The following REEP4 variants were observed in gnomAD, a reference collection of about 807,000 sequenced individuals.
REEP4 encodes the protein receptor accessory protein 4, also known as receptor expression-enhancing protein 4.
REEP4 carries 17 observed loss-of-function variants against 33.5 expected under a neutral mutation model. The ratio of observed to expected loss-of-function variants is 0.51; its 90% confidence interval spans 0.35 to 0.76. The LOEUF is 0.76. REEP4 is among the 30% of genes least tolerant of loss of function. The probability of loss-of-function intolerance (pLI) is 0.01; values close to 1 mark genes in which losing one functional copy is unlikely to be tolerated. For missense variants in REEP4, 340 were observed against 357.9 expected (o/e 0.95, Z 0.40); for synonymous variants, 157 against 142.9 (o/e 1.10, Z -0.70).
rs1375844183 is a variant in REEP4, at chr8:22,138,199, G to A, written c.*288C>T. 1 of 617,486 alleles carries A rather than the reference G, an allele frequency of 1.6e-6. No individual in the cohort carries two copies. The highest frequency in any genetic ancestry group is 2.9e-6 in the Non-Finnish European group (1 of 342,746). The allele number at this position is 617,486 out of a possible 1,614,324, so 38.3% of individuals were successfully genotyped here. A position where few individuals can be genotyped will look rare whatever the true frequency, so the allele number is the denominator to read the frequency against. ...GGTTTCATTTGCAGGGGTTCAGGGA[G>A]GGTTGCAGGGGTTCAGGGAGGGCTC... On this transcript the variant is annotated 3_prime_UTR_variant, in exon 8 of 8. Coordinates refer to ENST00000306306, the MANE Select transcript of REEP4 (RefSeq NM_025232.4).
intron 5 of REEP4, 149 bp from the exon 6 acceptor site, chr8:22,139,210 G>A: frequency 2.6e-6 from 3 of 1,143,036 alleles, no homozygotes; most frequent in Non-Finnish European, 3.8e-6. Context: ...CAAAGTCAGA[G>A]AGCAGGAGCC....
chr8:22,140,763 T>C (rs1348008780), intron 1 of REEP4, 66 bp from the exon 2 acceptor site: 1 of 1,417,380 alleles, frequency 7.1e-7, no homozygotes, highest in Non-Finnish European at 9.8e-7. Context: ...CAAGTGGCCA[T>C]TTCCCCCCAC....
In REEP4 at chr8:22,141,636, C is replaced by G; in HGVS notation, c.-154G>C. ...GGAGGCAGAGCCCGCCGCCCACGGC[C>G]TCCGACTGTGCAGTTCAGGGGACCT... is the stretch of plus-strand genomic sequence containing the variant. On this transcript the variant is annotated 5_prime_UTR_variant, in exon 1 of 8. Coordinates refer to ENST00000306306, the MANE Select transcript of REEP4 (RefSeq NM_025232.4). 1 of 723,334 alleles carries G rather than the reference C, an allele frequency of 1.4e-6. No individual in the cohort carries two copies. Among genetic ancestry groups the G allele is most frequent in the South Asian group, 2.1e-5 (1 of 47,526 alleles). 44.8% of individuals were successfully genotyped at this position (723,334 alleles called of 1,614,324 possible).
intron 2 of REEP4, 71 bp from the exon 3 acceptor site, chr8:22,140,319 C>T (rs532363163): frequency 6.8e-7 from 1 of 1,477,878 alleles, no homozygotes; most frequent in Admixed American, 1.7e-5. Context: ...CAGCCCAGCC[C>T]AGAGATTCCA....
rs1466896204 is a variant in REEP4 at position 22,138,930 on chromosome 8, G to A, written c.549C>T (p.Pro183=). Residue 183 remains proline (P), a synonymous_variant, in exon 6 of 8, where the codon CCC becomes CCT. Transcript: ENST00000306306. Reference sequence around the variant, plus strand: ...TGGGCCCCTCTGCCCGCTCACCAATGGGTGGCCTCCGGTGGGACACCTGGT... The same window carrying A: ...TGGGCCCCTCTGCCCGCTCACCAATAGGTGGCCTCCGGTGGGACACCTGGT... ...LEDQVSHRRP[P]IGYRAGGLQD... 6.3e-7 allele frequency: 1 copy of A among 1,584,096 alleles called. No homozygotes were observed. The highest frequency in any genetic ancestry group is 1.4e-5 in the African/African-American group (1 of 73,724).
At position 22,138,649 on chromosome 8, in the gene REEP4, G is replaced by T; in HGVS notation, c.698C>A (p.Pro233Gln). The T allele has an allele frequency of 1.9e-6, 3 of 1,613,902 alleles. No homozygotes were observed. Among genetic ancestry groups the T allele is most frequent in the Non-Finnish European group, 1.7e-6 (2 of 1,180,028 alleles). Residue 233 changes from proline to glutamine, a missense_variant, in exon 7 of 8, where the codon CCG (proline) becomes CAG (glutamine). Physicochemically the swap from Pro to Gln is moderately conservative, Grantham distance 76 (BLOSUM62 -1). Coordinates refer to ENST00000306306, the MANE Select transcript of REEP4 (RefSeq NM_025232.4). ...QSLRVVKRKP[P>Q]VREGTSRSLK... ...TCCTCCCACACTGACCTCCCGCACC[G>T]GTGGCTTCCTCTTGACCACACGCAG...
Position 22,140,654 on chromosome 8 carries a change from C to T in REEP4, c.76G>A (p.Ala26Thr), listed in dbSNP as rs763794576. ...MLCPAYASYK[A>T]VKTKNIREYV... ...TCACGAATGTTCTTGGTCTTCACAG[C>T]CTTATAGGAAGCATAAGCTGGACAC... Residue 26 changes from alanine to threonine, a missense_variant, in exon 2 of 8, where the codon GCT (alanine) becomes ACT (threonine). Coordinates refer to ENST00000306306, the MANE Select transcript of REEP4 (RefSeq NM_025232.4). 1.1e-5 allele frequency: 17 copies of T among 1,613,852 alleles called. No individual in the cohort carries two copies. The highest frequency in any genetic ancestry group is 1.3e-5 in the Non-Finnish European group (15 of 1,179,872).
chr8:22,138,238 G>C lies in REEP4; in HGVS notation c.*249C>G, dbSNP rs756501486. Reference sequence around the variant, plus strand: ...CAGGGAGGGCTCTTGTCCCACAACCGGGGAAGGGAGAGGGCAGAGCAAGGC... The same window carrying C: ...CAGGGAGGGCTCTTGTCCCACAACCCGGGAAGGGAGAGGGCAGAGCAAGGC... On this transcript the variant is annotated 3_prime_UTR_variant, in exon 8 of 8. Transcript: ENST00000306306. The C allele has an allele frequency of 1.1e-4, 73 of 649,750 alleles. No homozygotes were observed. Among genetic ancestry groups the C allele is most frequent in the Non-Finnish European group, 1.7e-4 (62 of 357,564 alleles). The allele number at this position is 649,750 out of a possible 1,614,324, so 40.2% of individuals were successfully genotyped here. A position where few individuals can be genotyped will look rare whatever the true frequency, so the allele number is the denominator to read the frequency against.
Position 22,139,954 on chromosome 8 carries a change from C to T in REEP4, c.303+9G>A. On this transcript the variant is annotated intron_variant, in intron 4 of 7. Coordinates refer to ENST00000306306, the MANE Select transcript of REEP4 (RefSeq NM_025232.4). The stretch of plus-strand genomic sequence containing the variant: ...CCTAAGCCTCCCTTCCCGCTTCCCC[C>T]TGGGGTACCTTCTCATGGCGGGACA... 6.3e-7 allele frequency: 1 copy of T among 1,581,646 alleles called. No individual in the cohort carries two copies. Among genetic ancestry groups the T allele is most frequent in the Non-Finnish European group, 8.6e-7 (1 of 1,162,816 alleles).
chr8:22,138,932 G>A lies in REEP4; in HGVS notation c.547C>T (p.Pro183Ser). The A allele has an allele frequency of 6.3e-7, 1 of 1,584,778 alleles. No individual in the cohort carries two copies. Among genetic ancestry groups the A allele is most frequent in the Non-Finnish European group, 8.6e-7 (1 of 1,168,366 alleles). Residue 183 changes from proline (P) to serine (S), a missense_variant, in exon 6 of 8, where the codon CCC becomes TCC. Coordinates refer to ENST00000306306, the MANE Select transcript of REEP4 (RefSeq NM_025232.4). ...GGCCCCTCTGCCCGCTCACCAATGG[G>A]TGGCCTCCGGTGGGACACCTGGTCC... ...LEDQVSHRRP[P>S]IGYRAGGLQD...
intron 2 of REEP4, among the ~76,000 whole-genome samples, 169 bp downstream of exon 2, chr8:22,140,456 C>T (rs1827211269): frequency 7.0e-6 from 1 of 143,784 alleles, no homozygotes; most frequent in Non-Finnish European, 1.5e-5. Context: ...ACAGGCACCC[C>T]GATGGCCTGC....
In REEP4 at chr8:22,141,562, G is replaced by C; in HGVS notation, c.-80C>G. ...TCACTCAAGGGCTGGGACGGGGGGT[G>C]ATCAGGGCAGTTGCGGGAAGCAGAG... On this transcript the variant is annotated 5_prime_UTR_variant, in exon 1 of 8. It adds an upstream start codon to the 5' untranslated region. Coordinates refer to ENST00000306306, the MANE Select transcript of REEP4 (RefSeq NM_025232.4). 6.8e-7 allele frequency: 1 copy of C among 1,469,412 alleles called. No individual in the cohort carries two copies. The highest frequency in any genetic ancestry group is 9.2e-7 in the Non-Finnish European group (1 of 1,086,768). 91.0% of individuals were successfully genotyped at this position (1,469,412 alleles called of 1,614,324 possible).
chr8:22,140,377 C>T, intron 2 of REEP4, 129 bp from the exon 3 acceptor site: 1 of 993,642 alleles, frequency 1.0e-6, no homozygotes, highest in East Asian at 2.5e-5. Context: ...CATGGCTGGA[C>T]AGGAGCTCTG....
At position 22,141,821 on chromosome 8, in the gene REEP4, G is replaced by A. The variant is rs1229793271; in HGVS notation, c.-339C>T. 6 of 312,306 alleles carry A rather than the reference G, an allele frequency of 1.9e-5. No homozygotes were observed. In the East Asian group the frequency reaches 3.2e-4, roughly 17 times the overall value. 19.3% of individuals were successfully genotyped at this position (312,306 alleles called of 1,614,324 possible). A position where few individuals can be genotyped will look rare whatever the true frequency, so the allele number is the denominator to read the frequency against. ...TGCTGCTGGTCCCGCGCTGGAGCGG[G>A]TCGCCGCGGTTCCAGCGCGCCGGGC... On this transcript the variant is annotated 5_prime_UTR_variant, in exon 1 of 8. Transcript: ENST00000306306.
At chr8:22,140,959 G>A (rs542861018) in intron 1 of REEP4, among the ~76,000 whole-genome samples, 1 of 152,356 alleles carries the variant, frequency 6.6e-6, no homozygotes, top group African/African-American at 2.4e-5. Context: ...CACGAAGTGG[G>A]TGAGAACACC....
chr8:22,139,973 C>T lies in REEP4; in HGVS notation c.293G>A (p.Arg98His), dbSNP rs199643121. The change falls in exon 4 of 8, where the codon CGC (arginine) becomes CAC (histidine). Residue 98 changes from arginine to histidine, a missense_variant. Transcript: ENST00000306306. The part of the protein sequence containing the change: ...YRKFVHPSLS[R>H]HEKEIDAYIV... ...TTCCCCCTGGGGTACCTTCTCATGG[C>T]GGGACAGGGACGGGTGGACAAACTT... 19 of 1,577,918 alleles carry T rather than the reference C, an allele frequency of 1.2e-5. No individual in the cohort carries two copies. The highest frequency in any genetic ancestry group is 4.6e-5 in the South Asian group (4 of 87,540).
chr8:22,141,538 C>T lies in REEP4; in HGVS notation c.-56G>A. ...CCAGGAAGCCGCTCAGAAGGACGTT[C>T]ACTCAAGGGCTGGGACGGGGGGTGA... On this transcript the variant is annotated 5_prime_UTR_variant, in exon 1 of 8. Transcript: ENST00000306306. The T allele has an allele frequency of 6.4e-7, 1 of 1,563,558 alleles. No homozygotes were observed. The highest frequency in any genetic ancestry group is 8.7e-7 in the Non-Finnish European group (1 of 1,153,152).
chr8:22,139,622 AG>A, intron 4 of REEP4, 93 bp from the exon 5 acceptor site: 1 of 1,008,254 alleles, frequency 9.9e-7, no homozygotes, highest in Non-Finnish European at 1.4e-6. Context: ...GGCGCCACCC[AG>A]CCCAGCCCAG....
At chr8:22,140,588 C>A in intron 2 of REEP4, 37 bp downstream of exon 2, 1 of 1,586,220 alleles carries the variant, frequency 6.3e-7, no homozygotes, top group Non-Finnish European at 8.6e-7. Context: ...CCCACCTCAC[C>A]AAGTCCTATT....
Sources: gnomAD v4.1 joint callset for allele counts (sites outside exome capture counted in the v4.1 genomes callset) on GRCh38, gnomAD v4.1.1 for gene constraint, MANE v1.5 for transcripts, NCBI Gene and HGNC (gene_info 2026-07-23, HGNC 2026-07-21) for gene names.